The following ATXN8OS variants were observed in gnomAD, a reference collection of about 807,000 sequenced individuals.
ATXN8OS encodes ATXN8 opposite strand lncRNA.
chr13:70,127,397 A>G (rs1349184734), intron 2 of ATXN8OS, among the ~76,000 whole-genome samples: 3 of 152,092 alleles, frequency 2.0e-5, no homozygotes, highest in Non-Finnish European at 4.4e-5. Flanking sequence ...AGAATTAGAT[A>G]TCATCGAAAG....
chr13:70,133,426 CTG>C lies in ATXN8OS; in HGVS notation n.499+3544_499+3545del, dbSNP rs1159478825. Among the ~76,000 whole-genome samples, 67 of 152,112 alleles carry C rather than the reference CTG, an allele frequency of 4.4e-4. No individual in the cohort carries two copies. In the South Asian group the frequency reaches 0.014, roughly 31 times the overall value. ...AAAAAATAGCATAAAGGAATATGTA[CTG>C]TAATATTTAAGTATTGGATTTTTAG... On this transcript the variant is annotated intron_variant and non_coding_transcript_variant, in intron 3 of 4. Coordinates refer to ENST00000678624, the Ensembl canonical transcript of ATXN8OS.
At chr13:70,162,911 T>C (rs947646915) in intron 4 of ATXN8OS, among the ~76,000 whole-genome samples, 2 of 152,108 alleles carry the variant, frequency 1.3e-5, no homozygotes, top group African/African-American at 4.8e-5. Flanking sequence ...AAGGCAACTT[T>C]ACCCAAACCT....
chr13:70,159,930 T>C (rs1252230952), intron 4 of ATXN8OS, among the ~76,000 whole-genome samples: 4 of 152,214 alleles, frequency 2.6e-5, no homozygotes, highest in Non-Finnish European at 5.9e-5. Flanking sequence ...CATTCATCGA[T>C]TGATGTGCAT....
chr13:70,125,916 G>A (rs1201922020), intron 2 of ATXN8OS, among the ~76,000 whole-genome samples: 1 of 152,052 alleles, frequency 6.6e-6, no homozygotes, highest in Non-Finnish European at 1.5e-5. Flanking sequence ...TGTGGGAGGA[G>A]GGCAGAGGGA....
chr13:70,163,828 TC>T (rs1889039329), intron 4 of ATXN8OS, among the ~76,000 whole-genome samples: 1 of 151,194 alleles, frequency 6.6e-6, no homozygotes, highest in Admixed American at 6.6e-5. Flanking sequence ...TGACTTTTTA[TC>T]TCTTGCAGTC....
intron 1 of ATXN8OS, chr13:70,108,433 T>C (rs1421692341): frequency 6.5e-6 from 1 of 153,918 alleles, no homozygotes; most frequent in Non-Finnish European, 1.4e-5. Flanking sequence ...CCTGTGAAGC[T>C]GTCAAGGTCC....
chr13:70,107,464 G>T (rs1400690972), upstream of ATXN8OS: 12 of 1,613,982 alleles, frequency 7.4e-6, no homozygotes, highest in Admixed American at 1.2e-4. Flanking sequence ...CGGGGAGGAC[G>T]ATGAAGAGGA....
intron 2 of ATXN8OS, among the ~76,000 whole-genome samples, chr13:70,125,189 C>T (rs1888413696): frequency 6.6e-6 from 1 of 152,050 alleles, no homozygotes; most frequent in South Asian, 2.1e-4. Context: ...TCTGCTATTT[C>T]TCAATATAAA....
At chr13:70,151,091 ATC>A (rs1399591793) in intron 4 of ATXN8OS, among the ~76,000 whole-genome samples, 2 of 152,200 alleles carry the variant, frequency 1.3e-5, no homozygotes, top group African/African-American at 4.8e-5. Flanking sequence ...TAATAAAAAT[ATC>A]TATCATTTCC....
intron 3 of ATXN8OS, among the ~76,000 whole-genome samples, chr13:70,134,628 C>G (rs1021887381): frequency 6.6e-6 from 1 of 152,092 alleles, no homozygotes; most frequent in South Asian, 2.1e-4. Flanking sequence ...TGGCAATTGC[C>G]AAGGAAAACA....
At chr13:70,107,914 C>T in exon 1 of ATXN8OS, 1 of 510,968 alleles carries the variant, frequency 2.0e-6, no homozygotes, top group South Asian at 3.5e-5. Flanking sequence ...GTCGGGTCCG[C>T]AGGACCTGGG....
At chr13:70,140,909 C>T (rs1165782357) in intron 3 of ATXN8OS, among the ~76,000 whole-genome samples, 1 of 152,106 alleles carries the variant, frequency 6.6e-6, no homozygotes, top group Admixed American at 6.5e-5. Context: ...AGAGACAAGG[C>T]TATCTACGAT....
intron 4 of ATXN8OS, among the ~76,000 whole-genome samples, chr13:70,147,726 G>T (rs1416721897): frequency 6.6e-6 from 1 of 152,080 alleles, no homozygotes; most frequent in East Asian, 1.9e-4. Flanking sequence ...CAAGTTAGAG[G>T]TTTATTTTGC....
At chr13:70,117,726 G>T (rs1888300252) in intron 2 of ATXN8OS, among the ~76,000 whole-genome samples, 1 of 151,998 alleles carries the variant, frequency 6.6e-6, no homozygotes, top group African/African-American at 2.4e-5. Context: ...CTGCAAAATA[G>T]AAGTTAACGT....
At chr13:70,152,501 G>A (rs1423562919) in intron 4 of ATXN8OS, among the ~76,000 whole-genome samples, 1 of 151,916 alleles carries the variant, frequency 6.6e-6, no homozygotes, top group African/African-American at 2.4e-5. Flanking sequence ...GTGTATATGT[G>A]TGTGTTTAAT....
At chr13:70,107,866 C>A (rs1888114200) in exon 1 of ATXN8OS, 2 of 578,472 alleles carry the variant, frequency 3.5e-6, no homozygotes, top group Non-Finnish European at 5.8e-6. Context: ...CAGGCGAAGG[C>A]TGGAGCGCAG....
chr13:70,135,411 G>GGC (rs1888597778), intron 3 of ATXN8OS, among the ~76,000 whole-genome samples: 1 of 151,730 alleles, frequency 6.6e-6, no homozygotes, highest in Non-Finnish European at 1.5e-5. Flanking sequence ...TTTACTTAAT[G>GGC]GCTCTCTCTC....
At chr13:70,165,521 C>G (rs2479952) in intron 4 of ATXN8OS, among the ~76,000 whole-genome samples, 5 of 151,632 alleles carry the variant, frequency 3.3e-5, no homozygotes, top group Non-Finnish European at 7.4e-5. Flanking sequence ...ACTGGACTTC[C>G]GGCAAACATG....
chr13:70,150,950 C>A (rs928592053), intron 4 of ATXN8OS, among the ~76,000 whole-genome samples: 9 of 151,996 alleles, frequency 5.9e-5, no homozygotes, highest in African/African-American at 2.2e-4. Context: ...CAGGCATTGG[C>A]ACTATATTTT....
Sources: gnomAD v4.1 joint callset for allele counts (sites outside exome capture counted in the v4.1 genomes callset) on GRCh38, gnomAD v4.1.1 for gene constraint, MANE v1.5 for transcripts, NCBI Gene and HGNC (gene_info 2026-07-23, HGNC 2026-07-21) for gene names.